The following NSMAF variants were observed in gnomAD, a reference collection of about 807,000 sequenced individuals.
NSMAF encodes the protein protein FAN.
In NSMAF, 90 loss-of-function variants were observed where a neutral mutation model predicts 134.9. The ratio of observed to expected loss-of-function variants is 0.67; its 90% CI spans 0.56 to 0.79. The LOEUF is 0.79. Among genes scored for constraint, NSMAF ranks in the 30% least tolerant of loss-of-function variants. The pLI, the probability that NSMAF is intolerant of heterozygous loss-of-function variation, is 0.00. For synonymous variants in NSMAF, 358 were observed against 389.6 expected (o/e 0.92, Z 0.96); for missense variants, 1,010 against 1,119.0 (o/e 0.90, Z 1.39).
At chr8:58,623,170 A>G (rs757054327) in intron 9 of NSMAF, 50 bp downstream of exon 9, 1 of 1,390,754 alleles carries the variant, frequency 7.2e-7, no homozygotes, top group Admixed American at 1.7e-5. Context: ...AGGCATACAG[A>G]TGAAAATGTC....
rs1425121497 is a variant in NSMAF, at chr8:58,653,599, A to T, written c.59+5974T>A. On this transcript the variant is annotated intron_variant, in intron 1 of 30. Coordinates refer to ENST00000038176, the MANE Select transcript of NSMAF (RefSeq NM_003580.4). The stretch of plus-strand genomic sequence containing the variant: ...GTAAAGAGGTCATTATATATTGATA[A>T]AAAATTCAACTCACCAAGAAGATAA... 1.3e-5 allele frequency among the ~76,000 whole-genome samples: 2 copies of T among 152,162 alleles called. 1 individual carries two copies. Among genetic ancestry groups the T allele is most frequent in the Non-Finnish European group, 2.9e-5 (2 of 68,008 alleles).
intron 3 of NSMAF, 37 bp from the exon 4 acceptor site, chr8:58,635,409 A>G (rs745368117): frequency 1.3e-6 from 2 of 1,575,612 alleles, no homozygotes; most frequent in Non-Finnish European, 8.6e-7. Flanking sequence ...AAAAATCAAG[A>G]AAGGTAAGAC....
intron 9 of NSMAF, among the ~76,000 whole-genome samples, chr8:58,618,092 A>G (rs943736406): frequency 2.6e-5 from 4 of 152,146 alleles, no homozygotes; most frequent in African/African-American, 2.4e-5. Context: ...GTCCTCACTC[A>G]TAGGTGGGAA....
In NSMAF at chr8:58,599,798, G is replaced by C. The variant is rs1176506503; in HGVS notation, c.1405C>G (p.Gln469Glu). ...ACGTCGTCAACCATCTGTCCTCCTT[G>C]TCTCTTTCCCAAATCCAACTTCAGG... ...NSLKLDLGKR[Q>E]GGQMVDDVEL... The change falls in exon 18 of 31, where the codon CAA becomes GAA. Residue 469 changes from glutamine to glutamate, a missense_variant. Physicochemically the swap from Gln to Glu is conservative, Grantham distance 29 (BLOSUM62 2). Transcript: ENST00000038176. 2 of 1,613,934 alleles carry C rather than the reference G, an allele frequency of 1.2e-6. No homozygotes were observed. Among genetic ancestry groups the C allele is most frequent in the Non-Finnish European group, 1.7e-6 (2 of 1,179,952 alleles).
Position 58,605,917 on chromosome 8 carries a change from A to G in NSMAF, c.868+10T>C. 6.5e-7 allele frequency: 1 copy of G among 1,540,610 alleles called. No individual in the cohort carries two copies. The highest frequency in any genetic ancestry group is 8.7e-7 in the Non-Finnish European group (1 of 1,152,044). On this transcript the variant is annotated intron_variant, in intron 12 of 30. Coordinates refer to ENST00000038176, the MANE Select transcript of NSMAF (RefSeq NM_003580.4). ...AAAAAGAAAGAAACAATGAAGGGTG[A>G]GCGCCAAACCTAGGTATGTGGCAAT... is the stretch of plus-strand genomic sequence containing the variant.
At chr8:58,616,114 C>T (rs1806646963) in intron 9 of NSMAF, among the ~76,000 whole-genome samples, 1 of 152,154 alleles carries the variant, frequency 6.6e-6, no homozygotes, top group East Asian at 1.9e-4. Context: ...ACAAATGCAA[C>T]AGTCCTATGT....
chr8:58,622,006 G>GT (rs1806797584), intron 9 of NSMAF, among the ~76,000 whole-genome samples: 1 of 152,170 alleles, frequency 6.6e-6, no homozygotes, highest in Non-Finnish European at 1.5e-5. Flanking sequence ...TGTTTTTGCT[G>GT]TAATTGCTTT....
At chr8:58,601,962 T>A (rs1806292836) in intron 14 of NSMAF, 96 bp downstream of exon 14, 1 of 894,836 alleles carries the variant, frequency 1.1e-6, no homozygotes, top group Non-Finnish European at 1.8e-6. Context: ...CTGGTATAAT[T>A]CCCCTAAGCC....
In NSMAF at chr8:58,586,521, C is replaced by T. The variant is rs745637347; in HGVS notation, c.2383G>A (p.Ala795Thr). Residue 795 changes from alanine (A) to threonine (T), a missense_variant, in exon 28 of 31, where the codon GCC becomes ACC. Coordinates refer to ENST00000038176, the MANE Select transcript of NSMAF (RefSeq NM_003580.4). ...GTVNIWDLTT[A>T]TLMHQIPCHS... is the part of the protein sequence containing the mutation. Reference sequence around the variant, plus strand: ...CATGGAATCTGGTGCATTAAGGTGGCCGTTGTGAGGTCCCAAATATTCACT... The same window carrying T: ...CATGGAATCTGGTGCATTAAGGTGGTCGTTGTGAGGTCCCAAATATTCACT... 7.4e-6 allele frequency: 12 copies of T among 1,613,518 alleles called. No homozygotes were observed. In the South Asian group the frequency reaches 1.2e-4, roughly 16 times the overall value.
chr8:58,594,407 T>C, intron 22 of NSMAF, 117 bp from the exon 23 acceptor site: 1 of 858,120 alleles, frequency 1.2e-6, no homozygotes. Context: ...TCACAGCATG[T>C]CTGCCGGATC....
chr8:58,623,187 T>A (rs745839018), intron 9 of NSMAF, 33 bp downstream of exon 9: 8 of 1,522,910 alleles, frequency 5.3e-6, no homozygotes, highest in Non-Finnish European at 6.4e-6. Context: ...TGTCCACCAC[T>A]TTTCTAATTA....
rs774242043 is a variant in NSMAF, at chr8:58,597,468, G to T, written c.1711C>A (p.Pro571Thr). The stretch of plus-strand genomic sequence containing the variant: ...TTTGGGGTGATCCTTCGAGGATGTG[G>T]TGTCACAAATAGTTGTTTTGGTGTC... Reference protein sequence around the residue: ...GQTPKQLFVTPHPRRITPKFK... With the variant: ...GQTPKQLFVTTHPRRITPKFK... Residue 571 changes from proline (P) to threonine (T), a missense_variant, in exon 21 of 31, where the codon CCA becomes ACA. Physicochemically the swap from Pro to Thr is conservative, Grantham distance 38 (BLOSUM62 -1). Coordinates refer to ENST00000038176, the MANE Select transcript of NSMAF (RefSeq NM_003580.4). 9 of 1,614,040 alleles carry T rather than the reference G, an allele frequency of 5.6e-6. No homozygotes were observed. Among genetic ancestry groups the T allele is most frequent in the South Asian group, 5.5e-5 (5 of 91,086 alleles).
intron 1 of NSMAF, among the ~76,000 whole-genome samples, chr8:58,655,748 A>G (rs568633897): frequency 2.6e-5 from 4 of 151,938 alleles, no homozygotes; most frequent in Non-Finnish European, 5.9e-5. Context: ...TCTACTAAAA[A>G]TACAAAAAAT....
In NSMAF at chr8:58,584,111, AC is replaced by A; in HGVS notation, c.2748del (p.Gln916HisfsTer9). 6.2e-7 allele frequency: 1 copy of A among 1,610,762 alleles called. No individual in the cohort carries two copies. Among genetic ancestry groups the A allele is most frequent in the Non-Finnish European group, 8.5e-7 (1 of 1,177,022 alleles). ...TTCAGGAGAGGAAAAGGCACTTAAT[AC>A]TGCAATTTCCAGAATATAATTTGTC... ...EDRQIIFWKLQY is the reference protein window; with the variant it reads ...EDRQIIFWKLXY On this transcript the variant is annotated frameshift_variant, in exon 31 of 31. Transcript: ENST00000038176. LOFTEE classifies it high-confidence loss of function.
chr8:58,627,489 C>G (rs1261450157), intron 6 of NSMAF, among the ~76,000 whole-genome samples: 5 of 152,228 alleles, frequency 3.3e-5, no homozygotes, highest in South Asian at 4.1e-4. Context: ...GCTCTTAGAT[C>G]TAATAAATGA....
At chr8:58,651,441 A>C (rs16923629) in intron 1 of NSMAF, among the ~76,000 whole-genome samples, 15,423 of 152,242 alleles carry the variant, frequency 0.1, 1,526 homozygotes, top group Admixed American at 0.3. Flanking sequence ...ACTCTAGAAA[A>C]TTACATTCTC....
chr8:58,638,222 T>A (rs373591745), intron 2 of NSMAF, among the ~76,000 whole-genome samples: 2 of 152,106 alleles, frequency 1.3e-5, no homozygotes, highest in African/African-American at 4.8e-5. Flanking sequence ...AATTTTTAGT[T>A]TTTTTAGAGA....
At position 58,642,979 on chromosome 8, in the gene NSMAF, C is replaced by G. The variant is rs1235909492; in HGVS notation, c.149+5G>C. 2 of 1,607,520 alleles carry G rather than the reference C, an allele frequency of 1.2e-6. No homozygotes were observed. The highest frequency in any genetic ancestry group is 1.7e-6 in the Non-Finnish European group (2 of 1,174,160). On this transcript the variant is annotated splice_donor_5th_base_variant and intron_variant, in intron 2 of 30. Coordinates refer to ENST00000038176, the MANE Select transcript of NSMAF (RefSeq NM_003580.4). ...TTGTCCAAGGAGATACCGAAGCTTC[C>G]TTACCTTTCATGGTGACTGCCCTTG...
chr8:58,598,490 C>CAAAAAAAAAA (rs71250204), intron 19 of NSMAF, among the ~76,000 whole-genome samples: 382 of 125,948 alleles, frequency 3.0e-3, no homozygotes, highest in Middle Eastern at 3.9e-3. Flanking sequence ...CTGTCTCAAA[C>CAAAAAAAAAA]AAAAAAAAAA....
Sources: gnomAD v4.1 joint callset for allele counts (sites outside exome capture counted in the v4.1 genomes callset) on GRCh38, gnomAD v4.1.1 for gene constraint, MANE v1.5 for transcripts, NCBI Gene and HGNC (gene_info 2026-07-23, HGNC 2026-07-21) for gene names.